The following TNFSF4 variants were observed in gnomAD, a reference collection of about 807,000 sequenced individuals.
TNFSF4 encodes the protein TNF superfamily member 4, also known as tumor necrosis factor ligand superfamily member 4.
TNFSF4 carries 4 observed loss-of-function variants against 7.3 expected under a neutral mutation model. That is an observed-to-expected ratio of 0.55 (90% CI 0.27 to 1.25). The LOEUF is 1.25. TNFSF4 is among the 50% of genes most tolerant of loss of function. TNFSF4 has a pLI of 0.12. For missense variants in TNFSF4, 181 were observed against 208.8 expected (o/e 0.87, Z 0.82); for synonymous variants, 76 against 83.7 (o/e 0.91, Z 0.50).
At chr1:173,326,365 C>T in the TNFSF4 span, among the ~76,000 whole-genome samples, 1 of 152,106 alleles carries the variant, frequency 6.6e-6, no homozygotes, top group Non-Finnish European at 1.5e-5. Flanking sequence ...TGGGATGTAT[C>T]TCAAAATAAT....
the TNFSF4 span, among the ~76,000 whole-genome samples, chr1:173,373,593 C>A: frequency 2.0e-5 from 3 of 152,166 alleles, no homozygotes; most frequent in Non-Finnish European, 4.4e-5. Context: ...TTGTACAGGG[C>A]CAAATCTCCT....
chr1:173,438,269 T>TA, the TNFSF4 span, among the ~76,000 whole-genome samples: 1 of 152,162 alleles, frequency 6.6e-6, no homozygotes, highest in Admixed American at 6.5e-5. Context: ...TTATAAATTG[T>TA]TTTAAGTTGG....
At chr1:173,227,994 G>T in the TNFSF4 span, among the ~76,000 whole-genome samples, 15 of 152,232 alleles carry the variant, frequency 9.9e-5, no homozygotes, top group Non-Finnish European at 2.1e-4. Context: ...TGCATCTGTA[G>T]ACTCCACCTC....
the TNFSF4 span, among the ~76,000 whole-genome samples, chr1:173,302,157 T>A: frequency 6.6e-6 from 1 of 151,952 alleles, no homozygotes; most frequent in African/African-American, 2.4e-5. Flanking sequence ...AAGGATGATA[T>A]CCACTAGGAC....
chr1:173,393,622 T>C, the TNFSF4 span, among the ~76,000 whole-genome samples: 6 of 152,228 alleles, frequency 3.9e-5, no homozygotes, highest in East Asian at 1.9e-4. Flanking sequence ...ATAGATGAGA[T>C]TGCAAGAGCA....
the TNFSF4 span, among the ~76,000 whole-genome samples, chr1:173,375,810 C>T: frequency 1.3e-5 from 2 of 152,208 alleles, no homozygotes; most frequent in South Asian, 2.1e-4. Flanking sequence ...TCCCCTTCCA[C>T]ACTGTGGAAG....
the TNFSF4 span, among the ~76,000 whole-genome samples, chr1:173,302,259 A>C: frequency 6.6e-6 from 1 of 151,910 alleles, no homozygotes; most frequent in Non-Finnish European, 1.5e-5. Context: ...TTTGACACTC[A>C]TTTATCCAAA....
At chr1:173,256,644 G>A in the TNFSF4 span, among the ~76,000 whole-genome samples, 100 of 152,260 alleles carry the variant, frequency 6.6e-4, no homozygotes, top group Middle Eastern at 0.01. Flanking sequence ...GGCCTTAGGG[G>A]CAAGAGTTAA....
the TNFSF4 span, among the ~76,000 whole-genome samples, chr1:173,308,285 C>CTCTCTG: frequency 0.13 from 17,600 of 134,368 alleles, 1,457 homozygotes; most frequent in Non-Finnish European, 0.17. Flanking sequence ...CTCTCTCTCT[C>CTCTCTG]TGTGTGTGTG....
In TNFSF4 at chr1:173,185,388, T is replaced by G. The variant is rs1649178467; in HGVS notation, c.*1128A>C. The G allele has an allele frequency of 6.6e-6, 1 of 152,198 alleles. No individual in the cohort carries two copies. The highest frequency in any genetic ancestry group is 1.5e-5 in the Non-Finnish European group (1 of 68,028). The allele number at this position is 152,198 out of a possible 1,614,324, so 9.4% of individuals were successfully genotyped here. A position where few individuals can be genotyped will look rare whatever the true frequency, so the allele number is the denominator to read the frequency against. On this transcript the variant is annotated 3_prime_UTR_variant, in exon 3 of 3. Transcript: ENST00000281834. The stretch of plus-strand genomic sequence containing the variant: ...CATTGAAGCCCTGGCATAGGCTGAT[T>G]ATAGACCCTTCTAGTTTCAATTATC...
At chr1:173,339,526 T>C in the TNFSF4 span, among the ~76,000 whole-genome samples, 2 of 152,238 alleles carry the variant, frequency 1.3e-5, no homozygotes, top group African/African-American at 2.4e-5. Flanking sequence ...CCTTATTTTG[T>C]TATGAATATG....
the TNFSF4 span, among the ~76,000 whole-genome samples, chr1:173,313,728 A>G: frequency 1.3e-5 from 2 of 152,108 alleles, no homozygotes; most frequent in Non-Finnish European, 2.9e-5. Flanking sequence ...TTCATTACTC[A>G]TGGAAAGTGT....
chr1:173,308,509 TA>T, the TNFSF4 span, among the ~76,000 whole-genome samples: 2,570 of 151,916 alleles, frequency 0.017, 74 homozygotes, highest in African/African-American at 0.059. Context: ...CACTACTTCT[TA>T]AAAAAAATCC....
At chr1:173,179,028 C>T (rs1184411523), downstream of TNFSF4, among the ~76,000 whole-genome samples, 4 of 152,138 alleles carry the variant, frequency 2.6e-5, no homozygotes, top group Admixed American at 2.6e-4. Context: ...GATGAGTTCT[C>T]CCGAGAGTCT....
the TNFSF4 span, among the ~76,000 whole-genome samples, chr1:173,220,427 A>G: frequency 6.6e-6 from 1 of 152,230 alleles, no homozygotes; most frequent in African/African-American, 2.4e-5. Context: ...GAGCAAATAC[A>G]GTGCCTACTC....
At chr1:173,394,364 G>T in the TNFSF4 span, among the ~76,000 whole-genome samples, 1 of 152,148 alleles carries the variant, frequency 6.6e-6, no homozygotes. Flanking sequence ...GTTGTCAAGG[G>T]TCTTGCTAAT....
chr1:173,249,447 CTATACTCT>C, the TNFSF4 span, among the ~76,000 whole-genome samples: 1 of 152,170 alleles, frequency 6.6e-6, no homozygotes, highest in Non-Finnish European at 1.5e-5. Flanking sequence ...CAAGGGAAAG[CTATACTCT>C]TAGTGTCTCT....
the TNFSF4 span, among the ~76,000 whole-genome samples, chr1:173,402,356 C>A: frequency 6.6e-6 from 1 of 152,220 alleles, no homozygotes; most frequent in African/African-American, 2.4e-5. Context: ...TCTCAGCCTT[C>A]ACAAACCACA....
At chr1:173,292,833 A>G in the TNFSF4 span, among the ~76,000 whole-genome samples, 1 of 152,074 alleles carries the variant, frequency 6.6e-6, no homozygotes, top group Non-Finnish European at 1.5e-5. Flanking sequence ...AATTAGTAAC[A>G]TTTCTACTCA....
Sources: gnomAD v4.1 joint callset for allele counts (sites outside exome capture counted in the v4.1 genomes callset) on GRCh38, gnomAD v4.1.1 for gene constraint, MANE v1.5 for transcripts, NCBI Gene and HGNC (gene_info 2026-07-23, HGNC 2026-07-21) for gene names.